The following STX18 variants were observed in gnomAD, a reference collection of about 807,000 sequenced individuals.
STX18 encodes the protein syntaxin-18.
In STX18, 40 loss-of-function variants were observed where a neutral mutation model predicts 50.1. The observed-to-expected ratio is 0.80, with a 90% CI of 0.62 to 1.04. The LOEUF is 1.04. Ranked by LOEUF, STX18 falls within the 50% of genes least tolerant of loss-of-function variation. The pLI, the probability that STX18 is intolerant of heterozygous loss-of-function variation, is 0.00. For missense variants in STX18, 410 were observed against 415.8 expected, an observed-to-expected ratio of 0.99 and a Z score of 0.12; for synonymous variants, 158 against 151.8, an observed-to-expected ratio of 1.04 and a Z score of -0.30.
chr4:4,495,563 C>CTTTT (rs35298335), intron 1 of STX18, among the ~76,000 whole-genome samples: 5 of 129,996 alleles, frequency 3.8e-5, no homozygotes, highest in South Asian at 2.4e-4. Flanking sequence ...TTTTTCTTTT[C>CTTTT]TTTTTTTTTT....
In STX18 at chr4:4,457,237, C is replaced by T; in HGVS notation, c.451G>A (p.Glu151Lys). The T allele has an allele frequency of 6.2e-7, 1 of 1,614,134 alleles. No individual in the cohort carries two copies. The highest frequency in any genetic ancestry group is 2.2e-5 in the East Asian group (1 of 44,882). ...YLKRVCKLYS[E>K]QRAIRVKRVV... is the part of the protein sequence containing the mutation. Reference sequence around the variant, plus strand: ...CTTTTAACTCGGATGGCTCTCTGTTCTGAGTAAAGTTTACATACTCCTGTT... The same window carrying T: ...CTTTTAACTCGGATGGCTCTCTGTTTTGAGTAAAGTTTACATACTCCTGTT... Residue 151 changes from glutamate (E) to lysine (K), a missense_variant, in exon 5 of 11, where the codon GAA (glutamate) becomes AAA (lysine). Coordinates refer to ENST00000306200, the MANE Select transcript of STX18 (RefSeq NM_016930.4).
intron 1 of STX18, among the ~76,000 whole-genome samples, chr4:4,485,237 A>C (rs1460517067): frequency 1.3e-5 from 2 of 152,242 alleles, no homozygotes; most frequent in African/African-American, 4.8e-5. Context: ...GTCACTGATG[A>C]AAATAATGTC....
At chr4:4,514,526 G>T (rs1000281709) in intron 1 of STX18, among the ~76,000 whole-genome samples, 1 of 152,108 alleles carries the variant, frequency 6.6e-6, no homozygotes, top group Non-Finnish European at 1.5e-5. Context: ...CTAAGATTCC[G>T]AATGGATGAT....
intron 5 of STX18, among the ~76,000 whole-genome samples, chr4:4,449,280 C>T (rs956643339): frequency 4.9e-5 from 6 of 121,466 alleles, no homozygotes; most frequent in East Asian, 3.9e-4. Context: ...CTCCTGGCCT[C>T]AAGCAATCCT....
rs138712254 is a variant in STX18 at position 4,518,963 on chromosome 4, T to C, written c.168+22834A>G. On this transcript the variant is annotated intron_variant, in intron 1 of 10. Transcript: ENST00000306200. ...TTCCCTTTTTAAACAATTTACATGA[T>C]GTTTTATGGTTCTTTTAGAAGAGAA... is the stretch of plus-strand genomic sequence containing the variant. 2.4e-3 allele frequency among the ~76,000 whole-genome samples: 371 copies of C among 152,362 alleles called. 1 individual carries two copies. Among genetic ancestry groups the C allele is most frequent in the South Asian group, 4.6e-3 (22 of 4,828 alleles).
chr4:4,540,210 T>C (rs933294978), intron 1 of STX18, among the ~76,000 whole-genome samples: 8 of 152,254 alleles, frequency 5.3e-5, no homozygotes, highest in Non-Finnish European at 1.2e-4. Flanking sequence ...ACTTGCTTAA[T>C]GAAATCATAT....
chr4:4,466,826 G>C (rs1184420469), intron 2 of STX18, among the ~76,000 whole-genome samples: 2 of 152,206 alleles, frequency 1.3e-5, no homozygotes, highest in African/African-American at 4.8e-5. Flanking sequence ...ACATAGAGCT[G>C]TCTAAAAGGG....
chr4:4,453,763 A>G, intron 5 of STX18: 1 of 740,594 alleles, frequency 1.4e-6, no homozygotes, highest in Non-Finnish European at 1.6e-6. Flanking sequence ...ACTCAGGCAC[A>G]GGTACCGTGG....
intron 1 of STX18, among the ~76,000 whole-genome samples, chr4:4,484,087 C>T (rs1287350633): frequency 1.3e-5 from 2 of 152,176 alleles, no homozygotes; most frequent in African/African-American, 2.4e-5. Flanking sequence ...TGGTCTTGAT[C>T]TCCTGACCTC....
At chr4:4,435,320 T>A (rs1217781358) in intron 6 of STX18, among the ~76,000 whole-genome samples, 1 of 152,192 alleles carries the variant, frequency 6.6e-6, no homozygotes, top group African/African-American at 2.4e-5. Context: ...TGATATACTG[T>A]TCTCCAATCC....
chr4:4,426,731 C>T (rs1004271473), intron 7 of STX18: 2 of 152,468 alleles, frequency 1.3e-5, no homozygotes, highest in Non-Finnish European at 2.9e-5. Context: ...CCACCCTCAC[C>T]GTTTCTCACT....
At chr4:4,513,958 A>G (rs1158779938) in intron 1 of STX18, among the ~76,000 whole-genome samples, 3 of 152,172 alleles carry the variant, frequency 2.0e-5, no homozygotes, top group Non-Finnish European at 4.4e-5. Flanking sequence ...TAGCGGGGGT[A>G]AGGACATGTA....
chr4:4,507,015 A>C (rs2108886365), intron 1 of STX18: 1 of 403,808 alleles, frequency 2.5e-6, no homozygotes, highest in Non-Finnish European at 4.8e-6. Flanking sequence ...ATGCTAATCT[A>C]CAAATAACAC....
chr4:4,423,609 C>T lies in STX18; in HGVS notation c.762-22G>A, dbSNP rs1390937020. ...TTGCCTTCATAAAAAGAACAGATTA[C>T]ATATTAACTATTAGCACTTGGTAAT... On this transcript the variant is annotated intron_variant, in intron 8 of 10. Coordinates refer to ENST00000306200, the MANE Select transcript of STX18 (RefSeq NM_016930.4). 7 of 1,610,204 alleles carry T rather than the reference C, an allele frequency of 4.3e-6. No individual in the cohort carries two copies. In the South Asian group the frequency reaches 5.5e-5, roughly 13 times the overall value.
intron 5 of STX18, among the ~76,000 whole-genome samples, chr4:4,451,959 G>GTTA (rs1325326537): frequency 6.6e-6 from 1 of 152,206 alleles, no homozygotes; most frequent in Non-Finnish European, 1.5e-5. Flanking sequence ...GTGCCGAAGA[G>GTTA]TTAGCCAAGT....
In STX18 at chr4:4,438,287, A is replaced by T. The variant is rs143932997; in HGVS notation, c.613+107T>A. 4 of 867,934 alleles carry T rather than the reference A, an allele frequency of 4.6e-6. No individual in the cohort carries two copies. In the African/African-American group the frequency reaches 6.9e-5, roughly 15 times the overall value. The allele number at this position is 867,934 out of a possible 1,614,324, so 53.8% of individuals were successfully genotyped here. On this transcript the variant is annotated intron_variant, in intron 6 of 10. Coordinates refer to ENST00000306200, the MANE Select transcript of STX18 (RefSeq NM_016930.4). ...TGCTTCCTTTGCTTTATGCAAATAC[A>T]AACACCAAAACATGTCTGAGACTGT...
At chr4:4,437,181 C>T (rs1725835966) in intron 6 of STX18, among the ~76,000 whole-genome samples, 1 of 152,098 alleles carries the variant, frequency 6.6e-6, no homozygotes, top group Non-Finnish European at 1.5e-5. Context: ...TCTTGATGTC[C>T]TGACCTCAGG....
chr4:4,475,662 TAG>T (rs1410913260), intron 1 of STX18, among the ~76,000 whole-genome samples: 6 of 152,270 alleles, frequency 3.9e-5, no homozygotes, highest in Non-Finnish European at 5.9e-5. Flanking sequence ...TATTTACTGT[TAG>T]ACTCAGTCCT....
intron 1 of STX18, among the ~76,000 whole-genome samples, chr4:4,541,421 G>T (rs1350327988): frequency 6.6e-6 from 1 of 152,162 alleles, no homozygotes; most frequent in Non-Finnish European, 1.5e-5. Context: ...AATATGGTGT[G>T]GTCAGTGCTG....
Sources: gnomAD v4.1 joint callset for allele counts (sites outside exome capture counted in the v4.1 genomes callset) on GRCh38, gnomAD v4.1.1 for gene constraint, MANE v1.5 for transcripts, NCBI Gene and HGNC (gene_info 2026-07-23, HGNC 2026-07-21) for gene names.